Variants in EVC2 observed in about 807,000 individuals in gnomAD.
EVC2 encodes the protein EvC ciliary complex subunit 2.
A neutral mutation model predicts 149.3 loss-of-function variants in EVC2; 148 were observed. That is an observed-to-expected ratio of 0.99 (90% CI 0.87 to 1.14). The LOEUF is 1.14. Ranked by LOEUF, EVC2 falls within the 50% of genes most tolerant of loss-of-function variation. The pLI is 0.00. For synonymous variants in EVC2, 776 were observed against 649.9 expected (o/e 1.19, Z -2.95); for missense variants, 1,854 against 1,627.3 (o/e 1.14, Z -2.40).
chr4:5,673,085 C>T (rs1394439564), intron 7 of EVC2, among the ~76,000 whole-genome samples: 6 of 152,160 alleles, frequency 3.9e-5, no homozygotes, highest in Non-Finnish European at 8.8e-5. Flanking sequence ...CTGCACAACA[C>T]CTATTGACTG....
At chr4:5,545,996 A>C (rs1721609214) in intron 21 of EVC2, among the ~76,000 whole-genome samples, 1 of 152,322 alleles carries the variant, frequency 6.6e-6, no homozygotes, top group South Asian at 2.1e-4. Flanking sequence ...GAGAAATGCA[A>C]ATCAAAACCA....
chr4:5,685,343 C>CA, intron 6 of EVC2, 27 bp downstream of exon 6: 3 of 1,599,408 alleles, frequency 1.9e-6, no homozygotes, highest in Non-Finnish European at 1.7e-6. Flanking sequence ...AGTGGCAAGA[C>CA]AGAGATTAAA....
chr4:5,568,718 G>A, intron 19 of EVC2, 78 bp from the exon 20 acceptor site: 3 of 1,435,572 alleles, frequency 2.1e-6, no homozygotes, highest in African/African-American at 2.8e-5. Context: ...ATCACATTCT[G>A]AGGACATTCT....
chr4:5,606,625 A>G (rs1394486756), intron 16 of EVC2, among the ~76,000 whole-genome samples: 1 of 152,180 alleles, frequency 6.6e-6, no homozygotes, highest in Non-Finnish European at 1.5e-5. Flanking sequence ...ATCTAAAATT[A>G]CCAAGCATGC....
At chr4:5,691,119 C>A in intron 4 of EVC2, 146 bp downstream of exon 4, 1 of 694,026 alleles carries the variant, frequency 1.4e-6, no homozygotes, top group South Asian at 1.7e-5. Context: ...TATCACAGAC[C>A]TTGCTATTTG....
In EVC2 at chr4:5,584,678, G is replaced by A. The variant is rs1238592664; in HGVS notation, c.3002C>T (p.Ala1001Val). The A allele has an allele frequency of 6.2e-7, 1 of 1,613,998 alleles. No individual in the cohort carries two copies. Among genetic ancestry groups the A allele is most frequent in the Non-Finnish European group, 8.5e-7 (1 of 1,180,004 alleles). Residue 1001 changes from alanine to valine, a missense_variant, in exon 17 of 22, where the codon GCA becomes GTA. Coordinates refer to ENST00000344408, the MANE Select transcript of EVC2 (RefSeq NM_147127.5). Reference protein sequence around the residue: ...IQDLLLEELSASEMLTKSACT... With the variant: ...IQDLLLEELSVSEMLTKSACT... Reference sequence around the variant, plus strand: ...GGCCGACTTGGTCAGCATCTCAGATGCACTCAGCTCTTCCAGGAGCAAGTC... The same window carrying A: ...GGCCGACTTGGTCAGCATCTCAGATACACTCAGCTCTTCCAGGAGCAAGTC...
At position 5,679,828 on chromosome 4, in the gene EVC2, AT is replaced by A. The variant is rs35615167; in HGVS notation, c.870+1431del. On this transcript the variant is annotated intron_variant, in intron 7 of 21. Transcript: ENST00000344408. The surrounding 1 kb of genome is among the most constrained non-coding windows in gnomAD (Gnocchi z 5.1). Reference sequence around the variant, plus strand: ...TCCCTGTGACTTTATTACCTTTGTAATTTTTTTTTTAACATTTTGACTCTTT... The same window carrying A: ...TCCCTGTGACTTTATTACCTTTGTAATTTTTTTTTAACATTTTGACTCTTT... Among the ~76,000 whole-genome samples the A allele has an allele frequency of 6.0e-5, 9 of 150,330 alleles. No homozygotes were observed. The highest frequency in any genetic ancestry group is 1.7e-4 in the African/African-American group (7 of 40,998).
intron 9 of EVC2, among the ~76,000 whole-genome samples, chr4:5,662,360 A>G (rs529702604): frequency 6.6e-6 from 1 of 151,748 alleles, no homozygotes; most frequent in East Asian, 1.9e-4. Flanking sequence ...GTTTACCTAT[A>G]TAACAAACCT....
At chr4:5,529,957 A>C in the EVC2 span, among the ~76,000 whole-genome samples, 1 of 151,884 alleles carries the variant, frequency 6.6e-6, no homozygotes, top group Admixed American at 6.6e-5. This position sits in a 1 kb window ranked among gnomAD's most constrained non-coding sequence, Gnocchi z 4.5. Flanking sequence ...CTGGGATTAC[A>C]GGTGCCCACC....
At position 5,623,140 on chromosome 4, in the gene EVC2, CTTGT is replaced by C. The variant is rs1715846594; in HGVS notation, c.2047-153_2047-150del. 7 of 861,702 alleles carry C rather than the reference CTTGT, an allele frequency of 8.1e-6. No homozygotes were observed. The South Asian group carries it at 1.2e-4, about 15-fold the overall frequency. 53.4% of individuals were successfully genotyped at this position (861,702 alleles called of 1,614,324 possible). On this transcript the variant is annotated intron_variant, in intron 13 of 21. Coordinates refer to ENST00000344408, the MANE Select transcript of EVC2 (RefSeq NM_147127.5). Reference sequence around the variant, plus strand: ...GGAAGTTATTCTGGTTTTTTGTTTGCTTGTTTGTTTTTTGAGATTGAATCTTGCT... The same window carrying C: ...GGAAGTTATTCTGGTTTTTTGTTTGCTTGTTTTTTGAGATTGAATCTTGCT...
intron 21 of EVC2, 63 bp downstream of exon 21, chr4:5,565,195 C>G: frequency 6.5e-7 from 1 of 1,528,954 alleles, no homozygotes; most frequent in South Asian, 1.1e-5. Context: ...GCCTCCCCAG[C>G]CTGGCCCACA....
chr4:5,699,826 AAAAT>A (rs1721716811), intron 1 of EVC2, among the ~76,000 whole-genome samples: 1 of 151,944 alleles, frequency 6.6e-6, no homozygotes, highest in Non-Finnish European at 1.5e-5. Flanking sequence ...CTCTCTGAAA[AAAAT>A]AAATAATAAA....
chr4:5,584,916 A>C, intron 16 of EVC2, 66 bp from the exon 17 acceptor site: 1 of 1,551,296 alleles, frequency 6.4e-7, no homozygotes, highest in African/African-American at 1.4e-5. Flanking sequence ...GAGGAGAACA[A>C]ACAGCCTTTC....
intron 9 of EVC2, among the ~76,000 whole-genome samples, chr4:5,647,557 C>G (rs952435172): frequency 1.3e-5 from 2 of 152,164 alleles, no homozygotes; most frequent in South Asian, 4.1e-4. Flanking sequence ...GAAAGAAACA[C>G]AAGAGCTGCC....
chr4:5,612,921 CCAAA>C (rs1714956924), intron 16 of EVC2, among the ~76,000 whole-genome samples: 2 of 69,156 alleles, frequency 2.9e-5, no homozygotes, highest in Admixed American at 2.2e-4. Context: ...GACTCTGTCT[CCAAA>C]AAAAAAAAAA....
Position 5,633,978 on chromosome 4 carries a change from A to G in EVC2, c.1471-1946T>C, listed in dbSNP as rs541101998. The stretch of plus-strand genomic sequence containing the variant: ...TTTGTTCAGAATCTGGGCCAGAAAG[A>G]CAAGCATTATTTAGAGCCTTCTAAA... On this transcript the variant is annotated intron_variant, in intron 10 of 21. Coordinates refer to ENST00000344408, the MANE Select transcript of EVC2 (RefSeq NM_147127.5). The surrounding 1 kb of genome is among the most constrained non-coding windows in gnomAD (Gnocchi z 4.4). Among the ~76,000 whole-genome samples, 1 of 152,354 alleles carries G rather than the reference A, an allele frequency of 6.6e-6. No individual in the cohort carries two copies. The highest frequency in any genetic ancestry group is 2.1e-4 in the South Asian group (1 of 4,830).
At chr4:5,608,038 C>T (rs1042805487) in intron 16 of EVC2, among the ~76,000 whole-genome samples, 2 of 152,000 alleles carry the variant, frequency 1.3e-5, no homozygotes, top group Admixed American at 6.6e-5. Context: ...AGCCACAGTC[C>T]CGGGCTATGG....
At chr4:5,536,737 T>TTG in the EVC2 span, among the ~76,000 whole-genome samples, 2 of 150,428 alleles carry the variant, frequency 1.3e-5, no homozygotes, top group Non-Finnish European at 2.9e-5. Flanking sequence ...TGAGCAGAGA[T>TTG]CACGCCACTG....
At chr4:5,568,365 C>A (rs1722425785) in intron 20 of EVC2, 79 bp downstream of exon 20, 4 of 1,375,704 alleles carry the variant, frequency 2.9e-6, no homozygotes, top group East Asian at 2.5e-5. Context: ...ATACATGGGC[C>A]TCCCATGACC....
Sources: gnomAD v4.1 joint callset for allele counts (sites outside exome capture counted in the v4.1 genomes callset) on GRCh38, gnomAD v4.1.1 for gene constraint, Gnocchi (gnomAD v3.1) non-coding constraint, MANE v1.5 for transcripts, NCBI Gene and HGNC (gene_info 2026-07-23, HGNC 2026-07-21) for gene names.